SCHIP1: variants seen among roughly 807,000 people sequenced by gnomAD.
SCHIP1 encodes the protein schwannomin-interacting protein 1.
A neutral mutation model predicts 29.7 loss-of-function variants in SCHIP1; 8 were observed. That is an observed-to-expected ratio of 0.27 (90% CI 0.16 to 0.49). SCHIP1 has a LOEUF of 0.49. Ranked by LOEUF, SCHIP1 falls within the 20% of genes least tolerant of loss-of-function variation. The pLI, the probability that SCHIP1 is intolerant of heterozygous loss-of-function variation, is 0.99. For synonymous variants in SCHIP1, 76 were observed against 94.9 expected, an observed-to-expected ratio of 0.80 and a Z score of 1.16; for missense variants, 193 against 294.6, an observed-to-expected ratio of 0.66 and a Z score of 2.52.
the SCHIP1 span, among the ~76,000 whole-genome samples, chr3:159,322,385 C>G: frequency 6.6e-6 from 1 of 152,158 alleles, no homozygotes; most frequent in Non-Finnish European, 1.5e-5. Flanking sequence ...TCTCTGACTT[C>G]TTGAAATTTA....
the SCHIP1 span, among the ~76,000 whole-genome samples, chr3:159,526,375 G>T: frequency 1.2e-4 from 18 of 152,078 alleles, no homozygotes; most frequent in South Asian, 4.2e-4. Context: ...AGTCTATGTT[G>T]CCCAGGCTGG....
At chr3:159,868,956 T>A (rs1354991943) in intron 2 of SCHIP1, among the ~76,000 whole-genome samples, 1 of 152,062 alleles carries the variant, frequency 6.6e-6, no homozygotes, top group Non-Finnish European at 1.5e-5. Context: ...TACTAACATT[T>A]GATATTGCCA....
the SCHIP1 span, among the ~76,000 whole-genome samples, chr3:159,613,477 T>C: frequency 1.3e-5 from 2 of 152,252 alleles, no homozygotes; most frequent in Non-Finnish European, 2.9e-5. Flanking sequence ...AATTTTGTTA[T>C]GTATATCTGA....
intron 1 of SCHIP1, among the ~76,000 whole-genome samples, chr3:159,850,080 A>G (rs1712378301): frequency 1.3e-5 from 2 of 152,224 alleles, no homozygotes; most frequent in Admixed American, 6.5e-5. Context: ...AAAATTCATC[A>G]TATAGCGTAC....
the SCHIP1 span, among the ~76,000 whole-genome samples, chr3:159,360,417 G>A: frequency 1.3e-5 from 2 of 152,150 alleles, no homozygotes; most frequent in Non-Finnish European, 2.9e-5. Flanking sequence ...ATTTCCTTGT[G>A]TCTATCCTTT....
the SCHIP1 span, among the ~76,000 whole-genome samples, chr3:159,610,864 A>AAATCAAATT: frequency 6.3e-3 from 953 of 152,254 alleles, 7 homozygotes; most frequent in Non-Finnish European, 7.2e-3. Flanking sequence ...AAGAGTTTGA[A>AAATCAAATT]AATCAAATTA....
chr3:159,551,275 G>A, the SCHIP1 span, among the ~76,000 whole-genome samples: 6 of 152,264 alleles, frequency 3.9e-5, 1 homozygote, highest in South Asian at 1.0e-3. Context: ...ACAGAATCCT[G>A]CTTTGACGAG....
At chr3:159,317,513 G>A in the SCHIP1 span, among the ~76,000 whole-genome samples, 1 of 152,180 alleles carries the variant, frequency 6.6e-6, no homozygotes, top group South Asian at 2.1e-4. Flanking sequence ...GGGAGAAACA[G>A]TACCATATGT....
chr3:159,835,688 T>C (rs1743592981), upstream of SCHIP1, among the ~76,000 whole-genome samples: 1 of 152,170 alleles, frequency 6.6e-6, no homozygotes, highest in Non-Finnish European at 1.5e-5. Flanking sequence ...CAATGTGTAT[T>C]GACAAATATA....
the SCHIP1 span, among the ~76,000 whole-genome samples, chr3:159,818,147 T>G: frequency 9.5e-6 from 1 of 105,066 alleles, no homozygotes; most frequent in East Asian, 2.7e-4. Context: ...TAAGCTGCTG[T>G]GGTGTGGAAA....
chr3:159,866,792 A>T (rs992332759), intron 2 of SCHIP1, among the ~76,000 whole-genome samples: 1 of 152,134 alleles, frequency 6.6e-6, no homozygotes, highest in African/African-American at 2.4e-5. Context: ...TTATTTCAGG[A>T]TATCATTACT....
At chr3:159,453,332 G>A in the SCHIP1 span, among the ~76,000 whole-genome samples, 1 of 152,134 alleles carries the variant, frequency 6.6e-6, no homozygotes, top group Non-Finnish European at 1.5e-5. Flanking sequence ...ATTTTTCCAG[G>A]GAGATAAGCC....
At chr3:159,604,853 A>G in the SCHIP1 span, among the ~76,000 whole-genome samples, 39 of 152,338 alleles carry the variant, frequency 2.6e-4, no homozygotes, top group African/African-American at 8.7e-4. Flanking sequence ...ACTTGAACAT[A>G]GTACAGACAC....
chr3:159,853,178 A>G, intron 1 of SCHIP1: 1 of 439,176 alleles, frequency 2.3e-6, no homozygotes, highest in South Asian at 5.3e-5. Context: ...GCCCGGTGCC[A>G]GAGCAAGGAA....
chr3:159,434,426 A>C, the SCHIP1 span, among the ~76,000 whole-genome samples: 2 of 152,046 alleles, frequency 1.3e-5, no homozygotes, highest in East Asian at 3.9e-4. Flanking sequence ...ATATGGTTCC[A>C]GTAAAAAAAA....
At chr3:159,653,934 A>G in the SCHIP1 span, among the ~76,000 whole-genome samples, 2 of 152,168 alleles carry the variant, frequency 1.3e-5, no homozygotes, top group Non-Finnish European at 2.9e-5. Flanking sequence ...ACTGTATTAA[A>G]TTATCTCATG....
At chr3:159,430,837 G>A in the SCHIP1 span, among the ~76,000 whole-genome samples, 1 of 152,180 alleles carries the variant, frequency 6.6e-6, no homozygotes, top group Non-Finnish European at 1.5e-5. Flanking sequence ...GGGCCCACAT[G>A]CCCGTCCCCC....
chr3:159,327,202 C>G, the SCHIP1 span, among the ~76,000 whole-genome samples: 1 of 152,114 alleles, frequency 6.6e-6, no homozygotes, highest in Non-Finnish European at 1.5e-5. Context: ...GACTTTGGAG[C>G]TGGGCAACCA....
At chr3:159,522,737 C>T in the SCHIP1 span, among the ~76,000 whole-genome samples, 1 of 152,248 alleles carries the variant, frequency 6.6e-6, no homozygotes, top group Non-Finnish European at 1.5e-5. Flanking sequence ...GGCGTGGTGG[C>T]GCAAGCCTGT....
Sources: allele counts gnomAD v4.1 joint callset (sites outside exome capture counted in the v4.1 genomes callset), GRCh38; gene constraint gnomAD v4.1.1; transcripts MANE v1.5; gene names NCBI Gene and HGNC (gene_info 2026-07-23, HGNC 2026-07-21).